The following ARHGAP29 variants were observed in gnomAD, a reference collection of about 807,000 sequenced individuals.
The protein encoded by ARHGAP29 is rho GTPase-activating protein 29.
In ARHGAP29, 43 loss-of-function variants were observed where a neutral mutation model predicts 122.6. The observed-to-expected ratio is 0.35, with a 90% confidence interval of 0.27 to 0.45. The LOEUF (loss-of-function observed/expected upper bound fraction) is 0.45, where lower values mean the gene tolerates loss of function less well. Ranked by LOEUF, ARHGAP29 falls within the 20% of genes least tolerant of loss-of-function variation. ARHGAP29 has a pLI of 1.00. For synonymous variants in ARHGAP29, 506 were observed against 497.1 expected (o/e 1.02, Z -0.24); for missense variants, 1,303 against 1,477.2 (o/e 0.88, Z 1.93).
chr1:94,245,362 G>C (rs1215110051), intron 1 of ARHGAP29, among the ~76,000 whole-genome samples: 2 of 152,086 alleles, frequency 1.3e-5, no homozygotes, highest in East Asian at 3.8e-4. Flanking sequence ...ACAAACTGTG[G>C]TACAGCCTTA....
In ARHGAP29 at chr1:94,220,284, G is replaced by A. The variant is rs761792356; in HGVS notation, c.314C>T (p.Ala105Val). 5 of 1,613,296 alleles carry A rather than the reference G, an allele frequency of 3.1e-6. No individual in the cohort carries two copies. The Admixed American group carries it at 8.3e-5, about 27-fold the overall frequency. The change falls in exon 3 of 23, where the codon GCA becomes GTA. Residue 105 changes from alanine (A) to valine (V), a missense_variant. Ala to Val is a moderately conservative substitution (Grantham distance 64). Around this residue, in one of 3 missense-constraint regions of ARHGAP29, gnomAD observed 592 missense variants for 648.2 expected, o/e 0.91. Transcript: ENST00000260526. ...NLNSVDLQNA[A>V]EMLTAKVKAV... Reference sequence around the variant, plus strand: ...TTTCACTTTTGCAGTGAGCATTTCTGCAGCATTTTGAAGATCAACAGAATT... The same window carrying A: ...TTTCACTTTTGCAGTGAGCATTTCTACAGCATTTTGAAGATCAACAGAATT...
At chr1:94,295,932 A>G in the ARHGAP29 span, among the ~76,000 whole-genome samples, 2 of 152,170 alleles carry the variant, frequency 1.3e-5, no homozygotes, top group Admixed American at 1.3e-4. Flanking sequence ...GGAAGGAGCA[A>G]TTACCAGAAC....
chr1:94,178,718 T>A (rs1352460887), intron 20 of ARHGAP29, among the ~76,000 whole-genome samples: 3 of 152,196 alleles, frequency 2.0e-5, no homozygotes, highest in Non-Finnish European at 4.4e-5. Context: ...TCTGAGCCTG[T>A]CAAATTCCTA....
chr1:94,307,967 T>C, the ARHGAP29 span, among the ~76,000 whole-genome samples: 73 of 152,350 alleles, frequency 4.8e-4, no homozygotes, highest in Admixed American at 1.4e-3. Context: ...TTTTTCTTCC[T>C]GTAATAGCAG....
At chr1:94,251,342 T>G (rs1654079302) in intron 1 of ARHGAP29, among the ~76,000 whole-genome samples, 1 of 151,702 alleles carries the variant, frequency 6.6e-6, no homozygotes, top group Non-Finnish European at 1.5e-5. Flanking sequence ...GCTAATTTAT[T>G]GTATTTTTAA....
At chr1:94,302,678 C>G in the ARHGAP29 span, 7 of 448,580 alleles carry the variant, frequency 1.6e-5, no homozygotes, top group East Asian at 3.4e-4. Flanking sequence ...TGGGCAAGGT[C>G]ATCCCCAAGC....
At position 94,260,867 on chromosome 1, in the gene ARHGAP29, G is replaced by T. The variant is rs550484344; in HGVS notation, c.-33+14145C>A. On this transcript the variant is annotated intron_variant and NMD_transcript_variant, in intron 1 of 25. Transcript: ENST00000552844. The stretch of plus-strand genomic sequence containing the variant: ...GAGGGCCCACAGGATAACTCAAACT[G>T]CATTGTGTTCTAAAGCAGCTTCTAT... Among the ~76,000 whole-genome samples, 8 of 152,268 alleles carry T rather than the reference G, an allele frequency of 5.3e-5. No homozygotes were observed. In the South Asian group the frequency reaches 1.7e-3, roughly 32 times the overall value.
chr1:94,266,084 G>T (rs957457843), intron 1 of ARHGAP29, among the ~76,000 whole-genome samples: 1 of 152,206 alleles, frequency 6.6e-6, no homozygotes. Flanking sequence ...TGGTCAAGCT[G>T]CATTTGATTA....
chr1:94,184,851 A>T, intron 18 of ARHGAP29, 21 bp downstream of exon 18: 2 of 1,532,084 alleles, frequency 1.3e-6, no homozygotes, highest in Non-Finnish European at 1.8e-6. Context: ...GCTTTTTAAA[A>T]TTTTAAGAGT....
In ARHGAP29 at chr1:94,177,719, T is replaced by C; in HGVS notation, c.2798A>G (p.Asp933Gly). Residue 933 changes from aspartate (D) to glycine (G), a missense_variant and splice_region_variant, in exon 22 of 23, where the codon GAT (aspartate) becomes GGT (glycine). This residue lies in a region of ARHGAP29 where 620 missense variants were observed against 651.2 expected (regional missense o/e 0.95). Coordinates refer to ENST00000260526, the MANE Select transcript of ARHGAP29 (RefSeq NM_004815.4). ...GCTTTCACTCTCTGAAGTATGGATATCCTGTTGATGCAAGATAATTTTTAA... is the reference window on the plus strand; with the variant it reads ...GCTTTCACTCTCTGAAGTATGGATACCCTGTTGATGCAAGATAATTTTTAA... The part of the protein sequence containing the change: ...MKSLFFSSKE[D>G]IHTSESESKI... 1 of 1,607,904 alleles carries C rather than the reference T, an allele frequency of 6.2e-7. No homozygotes were observed. Among genetic ancestry groups the C allele is most frequent in the Non-Finnish European group, 8.5e-7 (1 of 1,177,264 alleles).
Position 94,202,672 on chromosome 1 carries a change from AT to A in ARHGAP29, c.1014del (p.Glu338AspfsTer23). On this transcript the variant is annotated frameshift_variant, in exon 11 of 23. Transcript: ENST00000260526. LOFTEE classifies it high-confidence loss of function. ...AACATGGAAGACTTTGCTTTCTCAT[AT>A]TCATCTTGACGTTGCATGCATAATA... ...AKLLCMQRQD[E>X]YEKAKSSMFR... 6.2e-7 allele frequency: 1 copy of A among 1,614,152 alleles called. No individual in the cohort carries two copies. Among genetic ancestry groups the A allele is most frequent in the Non-Finnish European group, 8.5e-7 (1 of 1,180,026 alleles).
chr1:94,191,116 C>T (rs1320327979), intron 12 of ARHGAP29: 1 of 152,068 alleles, frequency 6.6e-6, no homozygotes, highest in Non-Finnish European at 1.5e-5. Flanking sequence ...ATGGAAAGAG[C>T]TGGAGCTCTG....
At chr1:94,210,478 A>C (rs1651515964) in intron 3 of ARHGAP29, among the ~76,000 whole-genome samples, 1 of 152,250 alleles carries the variant, frequency 6.6e-6, no homozygotes, top group Non-Finnish European at 1.5e-5. Context: ...GAGTGAATTA[A>C]ACTTCAAGCC....
chr1:94,193,693 G>C (rs192646655), intron 12 of ARHGAP29: 1 of 152,184 alleles, frequency 6.6e-6, no homozygotes, highest in African/African-American at 2.4e-5. Flanking sequence ...TATATCCAGT[G>C]AAGGTGTCCT....
In ARHGAP29 at chr1:94,184,278, C is replaced by A; in HGVS notation, c.2120G>T (p.Arg707Leu). The change falls in exon 19 of 23, where the codon CGT becomes CTT. Residue 707 changes from arginine (R) to leucine (L), a missense_variant. By Grantham distance (102) the Arg-to-Leu change is moderately radical. Coordinates refer to ENST00000260526, the MANE Select transcript of ARHGAP29 (RefSeq NM_004815.4). ...AGTTTTTATTTTGTTTCCACACACA[C>A]GATAAATTCCCTTCAATAGAAAAGA... ...NRALCLQGIY[R>L]VCGNKIKTEK... is the part of the protein sequence containing the mutation. The A allele has an allele frequency of 6.2e-7, 1 of 1,600,120 alleles. No individual in the cohort carries two copies. Among genetic ancestry groups the A allele is most frequent in the Non-Finnish European group, 8.5e-7 (1 of 1,176,414 alleles).
In ARHGAP29 at chr1:94,174,518, T is replaced by C. The variant is rs773677855; in HGVS notation, c.3137A>G (p.Lys1046Arg). 7 of 1,614,220 alleles carry C rather than the reference T, an allele frequency of 4.3e-6. No individual in the cohort carries two copies. The Admixed American group carries it at 6.7e-5, about 15-fold the overall frequency. Reference protein sequence around the residue: ...GRNMGNVNLDKFCKNPAFEGV... With the variant: ...GRNMGNVNLDRFCKNPAFEGV... ...TTCAAAGGCAGGATTCTTGCAAAAC[T>C]TGTCTAAATTTACATTTCCCATATT... is the stretch of plus-strand genomic sequence containing the variant. The change falls in exon 23 of 23, where the codon AAG becomes AGG. Residue 1046 changes from lysine to arginine, a missense_variant. Physicochemically the swap from Lys to Arg is conservative, Grantham distance 26. Coordinates refer to ENST00000260526, the MANE Select transcript of ARHGAP29 (RefSeq NM_004815.4).
intron 1 of ARHGAP29, among the ~76,000 whole-genome samples, chr1:94,263,702 T>A (rs1304425338): frequency 6.6e-6 from 1 of 152,240 alleles, no homozygotes; most frequent in Non-Finnish European, 1.5e-5. Flanking sequence ...ACCTCAGTAT[T>A]TTTCCTTTCA....
At chr1:94,286,431 G>T in the ARHGAP29 span, among the ~76,000 whole-genome samples, 1 of 152,210 alleles carries the variant, frequency 6.6e-6, no homozygotes, top group Non-Finnish European at 1.5e-5. Flanking sequence ...ATTTTGGGAG[G>T]CCAAGGCAGG....
At chr1:94,186,059 G>A (rs1054322162) in intron 16 of ARHGAP29, among the ~76,000 whole-genome samples, 2 of 152,092 alleles carry the variant, frequency 1.3e-5, no homozygotes, top group African/African-American at 4.8e-5. Flanking sequence ...AAGTCGTTAA[G>A]GTAACTGATT....
Sources: allele counts gnomAD v4.1 joint callset (sites outside exome capture counted in the v4.1 genomes callset), GRCh38; gene constraint gnomAD v4.1.1; regional missense constraint gnomAD v4.1.1; transcripts MANE v1.5; gene names NCBI Gene and HGNC (gene_info 2026-07-23, HGNC 2026-07-21).